The following PANX1 variants were observed in gnomAD, a reference collection of about 807,000 sequenced individuals.
The protein encoded by PANX1 is pannexin-1.
Under a neutral mutation model 38.7 loss-of-function variants are expected in PANX1, and 30 were observed. The ratio of observed to expected loss-of-function variants is 0.78; its 90% CI spans 0.58 to 1.05. The LOEUF (loss-of-function observed/expected upper bound fraction) is 1.05, where lower values mean the gene tolerates loss of function less well. Among genes scored for constraint, PANX1 ranks in the 50% least tolerant of loss-of-function variants. The pLI is 0.00. For missense variants in PANX1, 551 were observed against 517.2 expected (o/e 1.07, Z -0.63); for synonymous variants, 230 against 212.2 (o/e 1.08, Z -0.73).
At chr11:94,150,854 G>A (rs1385568202) in intron 1 of PANX1, among the ~76,000 whole-genome samples, 1 of 152,154 alleles carries the variant, frequency 6.6e-6, no homozygotes, top group Non-Finnish European at 1.5e-5. Context: ...CCACTTGGAG[G>A]AACCACCTAC....
rs771358466 is a variant in PANX1, at chr11:94,178,406, T to G, written c.359T>G (p.Leu120Arg). ...ATCCTGCTGCTCTTTGCGATCCTCC[T>G]GTACCTGCCCCCGCTGTTCTGGCGT... ...PYILLLFAIL[L>R]YLPPLFWRFA... The change falls in exon 3 of 5, where the codon CTG becomes CGG. Residue 120 changes from leucine (L) to arginine (R), a missense_variant. Transcript: ENST00000227638. The G allele has an allele frequency of 6.2e-7, 1 of 1,614,128 alleles. No homozygotes were observed. Among genetic ancestry groups the G allele is most frequent in the Non-Finnish European group, 8.5e-7 (1 of 1,179,984 alleles).
At chr11:94,171,907 T>TG (rs1947173575) in intron 2 of PANX1, among the ~76,000 whole-genome samples, 1 of 32,262 alleles carries the variant, frequency 3.1e-5, no homozygotes, top group East Asian at 5.4e-4. Flanking sequence ...GAGAACTGGC[T>TG]TTTTTTTTTC....
At chr11:94,149,156 G>A (rs1405460261) in intron 1 of PANX1, among the ~76,000 whole-genome samples, 2 of 152,182 alleles carry the variant, frequency 1.3e-5, no homozygotes, top group Non-Finnish European at 2.9e-5. Context: ...ACAAAAAAAT[G>A]GGGGGCGTAG....
intron 3 of PANX1, 87 bp downstream of exon 3, chr11:94,178,679 T>C: frequency 2.9e-6 from 3 of 1,018,522 alleles, no homozygotes; most frequent in African/African-American, 1.6e-5. Flanking sequence ...AGAGTTCTCA[T>C]TGCTAGGAGG....
intron 1 of PANX1, among the ~76,000 whole-genome samples, chr11:94,148,062 A>G (rs543974867): frequency 1.1e-4 from 17 of 151,584 alleles, no homozygotes; most frequent in African/African-American, 4.1e-4. Flanking sequence ...GTTTAAAGGA[A>G]AAAAAAAAGA....
chr11:94,171,906 C>CCTT (rs2134517820), intron 2 of PANX1, among the ~76,000 whole-genome samples: 1 of 145,330 alleles, frequency 6.9e-6, no homozygotes, highest in South Asian at 2.2e-4. Flanking sequence ...TGAGAACTGG[C>CCTT]TTTTTTTTTT....
At chr11:94,162,465 G>C (rs113111283) in intron 2 of PANX1, among the ~76,000 whole-genome samples, 2 of 152,130 alleles carry the variant, frequency 1.3e-5, no homozygotes, top group African/African-American at 4.8e-5. Context: ...GTTTGATCTC[G>C]ACTGCTGTGC....
intron 1 of PANX1, among the ~76,000 whole-genome samples, chr11:94,140,188 A>G (rs899736996): frequency 2.0e-5 from 3 of 152,262 alleles, no homozygotes; most frequent in African/African-American, 4.8e-5. Context: ...AGGCCCATTC[A>G]TGGGTACCCC....
chr11:94,162,853 T>C (rs1344754875), intron 2 of PANX1, among the ~76,000 whole-genome samples: 1 of 147,572 alleles, frequency 6.8e-6, no homozygotes, highest in East Asian at 2.0e-4. Flanking sequence ...TTCGGCCATC[T>C]TGGCTCCACC....
Position 94,159,719 on chromosome 11 carries a change from C to G in PANX1, c.321+6089C>G, listed in dbSNP as rs576857563. Among the ~76,000 whole-genome samples, 13 of 152,008 alleles carry G rather than the reference C, an allele frequency of 8.6e-5. No individual in the cohort carries two copies. In the South Asian group the frequency reaches 2.5e-3, roughly 29 times the overall value. On this transcript the variant is annotated intron_variant, in intron 2 of 4. Coordinates refer to ENST00000227638, the MANE Select transcript of PANX1 (RefSeq NM_015368.4). ...TTGTTTGAAGGGTTTTTTTGTGTCT[C>G]TATTTCCTTCAGTTCTGCCCTGATG...
chr11:94,179,454 C>T lies in PANX1; in HGVS notation c.546-148C>T, dbSNP rs11600490. 63,978 of 597,428 alleles carry T rather than the reference C, an allele frequency of 0.11. 3,830 individuals are homozygous for T. The highest frequency in any genetic ancestry group is 0.14 in the Admixed American group (4,279 of 30,188). 37.0% of individuals were successfully genotyped at this position (597,428 alleles called of 1,614,324 possible). ...TTCCTTTTCTTCCTCCTCTTTTAAA[C>T]GGATTTTATTTTTGACTACTGACGT... On this transcript the variant is annotated intron_variant, in intron 3 of 4. Transcript: ENST00000227638.
intron 2 of PANX1, among the ~76,000 whole-genome samples, chr11:94,170,486 A>G (rs1007982845): frequency 6.6e-6 from 1 of 151,690 alleles, no homozygotes; most frequent in Non-Finnish European, 1.5e-5. Flanking sequence ...GCTTGCCCTT[A>G]TTGGCTATTG....
chr11:94,135,697 T>G (rs552196141), intron 1 of PANX1, among the ~76,000 whole-genome samples: 1 of 152,352 alleles, frequency 6.6e-6, no homozygotes, highest in Non-Finnish European at 1.5e-5. Flanking sequence ...ATATTTTTCT[T>G]GTACAAGTAG....
At chr11:94,146,402 G>A (rs1204132157) in intron 1 of PANX1, among the ~76,000 whole-genome samples, 1 of 152,230 alleles carries the variant, frequency 6.6e-6, no homozygotes, top group Non-Finnish European at 1.5e-5. Context: ...CTGGGTGAAA[G>A]TGTGTTCTGG....
At chr11:94,132,596 G>C (rs11020655) in intron 1 of PANX1, among the ~76,000 whole-genome samples, 1 of 149,552 alleles carries the variant, frequency 6.7e-6, no homozygotes, top group Non-Finnish European at 1.5e-5. Context: ...GTTTGTGTTG[G>C]GGGGGTGGTG....
At chr11:94,156,995 GC>G (rs1246349068) in intron 2 of PANX1, among the ~76,000 whole-genome samples, 2 of 151,278 alleles carry the variant, frequency 1.3e-5, no homozygotes, top group Non-Finnish European at 2.9e-5. Context: ...TTTTGTCCTT[GC>G]GATACTTTGC....
chr11:94,158,613 T>C (rs983870575), intron 2 of PANX1, among the ~76,000 whole-genome samples: 2 of 152,222 alleles, frequency 1.3e-5, no homozygotes, highest in African/African-American at 4.8e-5. Context: ...CCTGAGACTT[T>C]GCTGAAGTTG....
At chr11:94,173,926 C>G (rs929376450) in intron 2 of PANX1, among the ~76,000 whole-genome samples, 1 of 151,660 alleles carries the variant, frequency 6.6e-6, no homozygotes, top group Non-Finnish European at 1.5e-5. Context: ...AGTCCACAAT[C>G]AAGGTGTTGC....
intron 2 of PANX1, 46 bp from the exon 3 acceptor site, chr11:94,178,323 G>C (rs758247331): frequency 7.0e-7 from 1 of 1,419,592 alleles, no homozygotes; most frequent in South Asian, 1.2e-5. Flanking sequence ...ATAGGTTACT[G>C]CATGGGGGGT....
Sources: gnomAD v4.1 joint callset for allele counts (sites outside exome capture counted in the v4.1 genomes callset) on GRCh38, gnomAD v4.1.1 for gene constraint, MANE v1.5 for transcripts, NCBI Gene and HGNC (gene_info 2026-07-23, HGNC 2026-07-21) for gene names.